Variants in ATAD2B observed in about 807,000 individuals in gnomAD.
The protein encoded by ATAD2B is ATPase family AAA domain-containing protein 2B.
ATAD2B carries 40 observed loss-of-function variants against 167.6 expected under a neutral mutation model. The observed-to-expected ratio is 0.24, with a 90% CI of 0.19 to 0.31. The LOEUF is 0.31. ATAD2B is among the 10% of genes least tolerant of loss of function. The pLI is 1.00. For missense variants in ATAD2B, 1,242 were observed against 1,757.2 expected (o/e 0.71, Z 5.24); for synonymous variants, 579 against 596.5 (o/e 0.97, Z 0.43).
chr2:23,730,909 A>G, the ATAD2B span, among the ~76,000 whole-genome samples: 1 of 151,946 alleles, frequency 6.6e-6, no homozygotes, highest in African/African-American at 2.4e-5. Context: ...TTGAAAAGAT[A>G]AATAAAAAGA....
the ATAD2B span, among the ~76,000 whole-genome samples, chr2:23,702,555 C>G: frequency 6.6e-6 from 1 of 152,200 alleles, no homozygotes; most frequent in East Asian, 1.9e-4. Flanking sequence ...CCCACTCAGT[C>G]CTGCTTCCCA....
intron 1 of ATAD2B, among the ~76,000 whole-genome samples, chr2:23,910,470 G>C (rs1209592518): frequency 6.6e-6 from 1 of 151,390 alleles, no homozygotes; most frequent in Non-Finnish European, 1.5e-5. Context: ...GAGCCACTGC[G>C]CCCGGCCTGC....
At chr2:23,714,675 T>C in the ATAD2B span, among the ~76,000 whole-genome samples, 1 of 151,638 alleles carries the variant, frequency 6.6e-6, no homozygotes. Context: ...GCCAACATGG[T>C]GAAACCCTGT....
chr2:23,713,212 C>A, the ATAD2B span, among the ~76,000 whole-genome samples: 1 of 152,262 alleles, frequency 6.6e-6, no homozygotes, highest in African/African-American at 2.4e-5. Context: ...AACCTGGGCA[C>A]CACAGGACCC....
At chr2:23,862,496 G>C (rs1443045324) in intron 12 of ATAD2B, among the ~76,000 whole-genome samples, 1 of 138,042 alleles carries the variant, frequency 7.2e-6, no homozygotes, top group Non-Finnish European at 1.5e-5. Context: ...CTGCAGCCTT[G>C]AACTCCGGGG....
At chr2:23,680,077 G>A in the ATAD2B span, among the ~76,000 whole-genome samples, 4 of 152,320 alleles carry the variant, frequency 2.6e-5, no homozygotes, top group South Asian at 6.2e-4. This position sits in a 1 kb window ranked among gnomAD's most constrained non-coding sequence, Gnocchi z 4.1. Context: ...TGAGGATGCA[G>A]TGTGGAGGTG....
chr2:23,693,450 C>A, the ATAD2B span: 5 of 1,551,746 alleles, frequency 3.2e-6, no homozygotes, highest in Non-Finnish European at 4.4e-6. Flanking sequence ...CCAACGACAG[C>A]CTCAACACCA....
intron 7 of ATAD2B, among the ~76,000 whole-genome samples, chr2:23,880,116 G>C (rs1697649770): frequency 6.7e-6 from 1 of 149,708 alleles, no homozygotes; most frequent in African/African-American, 2.5e-5. Context: ...ATAAATTAAA[G>C]TAAAGTGCTC....
intron 16 of ATAD2B, among the ~76,000 whole-genome samples, chr2:23,822,917 CAAAAAAAAAAA>C (rs33911389): frequency 7.5e-5 from 5 of 66,314 alleles, no homozygotes; most frequent in African/African-American, 1.3e-4. Flanking sequence ...AACTCCATCT[CAAAAAAAAAAA>C]AAAAAAAAAA....
At chr2:23,917,198 G>C (rs1703168840) in intron 1 of ATAD2B, among the ~76,000 whole-genome samples, 1 of 152,176 alleles carries the variant, frequency 6.6e-6, no homozygotes, top group Non-Finnish European at 1.5e-5. Context: ...AACGAACAAA[G>C]GAACAAGCAA....
chr2:23,879,269 A>G (rs998254447), intron 7 of ATAD2B, among the ~76,000 whole-genome samples: 1 of 152,152 alleles, frequency 6.6e-6, no homozygotes, highest in Admixed American at 6.6e-5. Context: ...GGATAAACAA[A>G]TTGTGATATA....
At chr2:23,873,791 T>C (rs550640511) in intron 8 of ATAD2B, among the ~76,000 whole-genome samples, 80 of 152,360 alleles carry the variant, frequency 5.3e-4, no homozygotes, top group African/African-American at 1.9e-3. Flanking sequence ...ATGCCAACAA[T>C]GTATTGTTAG....
At chr2:23,707,078 G>A in the ATAD2B span, 2 of 154,982 alleles carry the variant, frequency 1.3e-5, no homozygotes, top group African/African-American at 2.4e-5. Context: ...AGATCAAAGT[G>A]TCCTTATCAC....
At chr2:23,683,908 G>A in the ATAD2B span, among the ~76,000 whole-genome samples, 1 of 152,154 alleles carries the variant, frequency 6.6e-6, no homozygotes, top group African/African-American at 2.4e-5. Context: ...CTAACATAAG[G>A]GACGCTGTTT....
chr2:23,742,126 C>G, the ATAD2B span, among the ~76,000 whole-genome samples: 4 of 152,264 alleles, frequency 2.6e-5, no homozygotes, highest in South Asian at 8.3e-4. Flanking sequence ...CTAGTTCAAC[C>G]ATTGTGGAAG....
the ATAD2B span, among the ~76,000 whole-genome samples, chr2:23,722,361 T>G: frequency 6.6e-6 from 1 of 152,102 alleles, no homozygotes; most frequent in African/African-American, 2.4e-5. Context: ...GAAAAACAAT[T>G]CATTATTTGC....
At chr2:23,814,295 C>A (rs551353426) in intron 17 of ATAD2B, among the ~76,000 whole-genome samples, 1 of 152,234 alleles carries the variant, frequency 6.6e-6, no homozygotes, top group African/African-American at 2.4e-5. Flanking sequence ...TAGAATGCCT[C>A]CTATGCTGAA....
chr2:23,800,441 G>C lies in ATAD2B; in HGVS notation c.2455-2118C>G, dbSNP rs568479187. Among the ~76,000 whole-genome samples the C allele has an allele frequency of 1.1e-3, 175 of 152,294 alleles. 4 individuals are homozygous for C. The highest frequency in any genetic ancestry group is 4.1e-3 in the African/African-American group (171 of 41,550). ...TCTAGCCATTAACAAGTATCAAAGA[G>C]GATGAGCAAAGCAACAGAAGGTTAA... On this transcript the variant is annotated intron_variant, in intron 18 of 27. Transcript: ENST00000238789.
intron 8 of ATAD2B, among the ~76,000 whole-genome samples, chr2:23,870,437 C>T (rs1205583324): frequency 6.6e-6 from 1 of 151,680 alleles, no homozygotes; most frequent in Non-Finnish European, 1.5e-5. Context: ...GAGGCACCCG[C>T]CACCACACTG....
Sources: gnomAD v4.1 joint callset for allele counts (sites outside exome capture counted in the v4.1 genomes callset) on GRCh38, gnomAD v4.1.1 for gene constraint, Gnocchi (gnomAD v3.1) non-coding constraint, MANE v1.5 for transcripts, NCBI Gene and HGNC (gene_info 2026-07-23, HGNC 2026-07-21) for gene names.